BACH2: variants seen among roughly 807,000 people sequenced by gnomAD.
BACH2 encodes transcription regulator protein BACH2.
A neutral mutation model predicts 61.8 loss-of-function variants in BACH2; 5 were observed. The ratio of observed to expected loss-of-function variants is 0.08; its 90% CI spans 0.04 to 0.17. BACH2 has a LOEUF of 0.17. BACH2 is among the 10% of genes least tolerant of loss of function. The pLI is 1.00. For synonymous variants in BACH2, 446 were observed against 440.1 expected (o/e 1.01, Z -0.17); for missense variants, 824 against 1,091.1 (o/e 0.76, Z 3.45).
intron 3 of BACH2, among the ~76,000 whole-genome samples, chr6:90,235,574 C>G (rs1024386142): frequency 1.3e-5 from 2 of 152,202 alleles, no homozygotes; most frequent in Non-Finnish European, 2.9e-5. Flanking sequence ...TAGTTCCCAG[C>G]TACCTGGGAG....
chr6:89,993,208 C>T (rs932549960), intron 6 of BACH2, among the ~76,000 whole-genome samples: 11 of 152,128 alleles, frequency 7.2e-5, no homozygotes, highest in Non-Finnish European at 7.4e-5. Context: ...CTATGGCAGC[C>T]TGAGTGAACT....
Position 90,162,826 on chromosome 6 carries a change from C to T in BACH2, c.-162+43743G>A, listed in dbSNP as rs76471247. Among the ~76,000 whole-genome samples, 7 of 152,286 alleles carry T rather than the reference C, an allele frequency of 4.6e-5. No homozygotes were observed. In the East Asian group the frequency reaches 1.3e-3, roughly 29 times the overall value. ...TGCCCATTCTTTTATCTTGAAGGAA[C>T]ACTGCTCTGGGCATGACAGATGAGG... On this transcript the variant is annotated intron_variant, in intron 4 of 8. Transcript: ENST00000257749.
chr6:90,291,392 T>C (rs985912876), intron 1 of BACH2, among the ~76,000 whole-genome samples: 1 of 152,122 alleles, frequency 6.6e-6, no homozygotes, highest in African/African-American at 2.4e-5. Flanking sequence ...AAATGGCCCT[T>C]GGAAAAGACA....
chr6:90,231,588 T>C (rs779676576), intron 3 of BACH2, among the ~76,000 whole-genome samples: 2 of 152,240 alleles, frequency 1.3e-5, no homozygotes, highest in Non-Finnish European at 2.9e-5. Context: ...TGTTAGATAT[T>C]TCATGTCATC....
At chr6:90,218,458 G>A (rs1769616612) in intron 3 of BACH2, among the ~76,000 whole-genome samples, 1 of 150,708 alleles carries the variant, frequency 6.6e-6, no homozygotes, top group African/African-American at 2.4e-5. Flanking sequence ...ACATTCCCCT[G>A]GCTTCCCCTC....
At chr6:90,285,310 C>G (rs1323433601) in intron 1 of BACH2, among the ~76,000 whole-genome samples, 2 of 152,150 alleles carry the variant, frequency 1.3e-5, no homozygotes, top group African/African-American at 4.8e-5. Context: ...CCACATAAAA[C>G]AATGTCAGGC....
chr6:89,967,715 C>T (rs1238138817), intron 6 of BACH2, among the ~76,000 whole-genome samples: 1 of 152,130 alleles, frequency 6.6e-6, no homozygotes, highest in Non-Finnish European at 1.5e-5. Flanking sequence ...GTAGAGGCAC[C>T]ATTGTGGTAA....
At chr6:90,204,127 C>A (rs556743878) in intron 4 of BACH2, among the ~76,000 whole-genome samples, 1 of 152,158 alleles carries the variant, frequency 6.6e-6, no homozygotes, top group African/African-American at 2.4e-5. Flanking sequence ...GACCCTAGAA[C>A]GCCAGGGCCA....
chr6:90,208,797 C>A (rs1025905420), intron 3 of BACH2, among the ~76,000 whole-genome samples: 2 of 152,110 alleles, frequency 1.3e-5, no homozygotes, highest in South Asian at 4.1e-4. Context: ...AGTCTTAGAA[C>A]CAACCCAAAT....
At chr6:90,188,993 T>A (rs1227820103) in intron 4 of BACH2, among the ~76,000 whole-genome samples, 1 of 152,182 alleles carries the variant, frequency 6.6e-6, no homozygotes, top group Non-Finnish European at 1.5e-5. Context: ...ACTCTCTTTT[T>A]ACAAAGTTTC....
chr6:90,215,124 G>A (rs183737784), intron 3 of BACH2, among the ~76,000 whole-genome samples: 1 of 152,182 alleles, frequency 6.6e-6, no homozygotes, highest in East Asian at 1.9e-4. Flanking sequence ...CATGTCCCAG[G>A]TTGTTAAGCC....
chr6:90,236,710 G>C (rs898597146), intron 3 of BACH2, among the ~76,000 whole-genome samples: 3 of 152,142 alleles, frequency 2.0e-5, no homozygotes, highest in African/African-American at 7.2e-5. Context: ...GAGCAAAAAA[G>C]AGAGTCTCTG....
chr6:90,040,054 TG>T (rs978727004), intron 5 of BACH2, among the ~76,000 whole-genome samples: 9 of 149,686 alleles, frequency 6.0e-5, no homozygotes, highest in African/African-American at 2.0e-4. Context: ...TGGTTTATGG[TG>T]GTATTTGCTG....
chr6:90,271,412 A>G (rs896776203), intron 2 of BACH2, among the ~76,000 whole-genome samples: 4 of 151,278 alleles, frequency 2.6e-5, no homozygotes, highest in Non-Finnish European at 4.4e-5. Flanking sequence ...GAAAAGAAAA[A>G]AAAAGAAAAG....
At chr6:90,121,331 C>T (rs1419219249) in intron 4 of BACH2, among the ~76,000 whole-genome samples, 3 of 152,152 alleles carry the variant, frequency 2.0e-5, no homozygotes, top group African/African-American at 7.2e-5. Context: ...GTCAGGTTAG[C>T]TAAGAGGGCT....
At chr6:89,944,655 C>T (rs977328098) in intron 7 of BACH2, among the ~76,000 whole-genome samples, 1 of 151,994 alleles carries the variant, frequency 6.6e-6, no homozygotes, top group Non-Finnish European at 1.5e-5. Flanking sequence ...TCCATGTTTT[C>T]TCTGGACTTT....
intron 8 of BACH2, among the ~76,000 whole-genome samples, chr6:89,935,597 A>G (rs1417755116): frequency 6.6e-6 from 1 of 152,220 alleles, no homozygotes; most frequent in Non-Finnish European, 1.5e-5. Context: ...ACTGAAACAC[A>G]ACGTGTTATT....
intron 4 of BACH2, among the ~76,000 whole-genome samples, chr6:90,130,124 C>G (rs7450645): frequency 0.12 from 18,047 of 152,074 alleles, 2,110 homozygotes; most frequent in African/African-American, 0.3. Context: ...GCCTGCTTTG[C>G]CCTCTCCAAG....
rs1584512916 is a variant in BACH2, at chr6:89,946,674, T to C, written c.1836+3596A>G. ...GCCACGTGCATGGTAGACAGCTACG[T>C]GAAAAAAGGAAGCTGCTAACTCTAC... On this transcript the variant is annotated intron_variant, in intron 7 of 8. Transcript: ENST00000257749. Among the ~76,000 whole-genome samples the C allele has an allele frequency of 2.0e-5, 3 of 151,980 alleles. No individual in the cohort carries two copies. The East Asian group carries it at 5.8e-4, about 29-fold the overall frequency.
Sources: allele counts gnomAD v4.1 joint callset (sites outside exome capture counted in the v4.1 genomes callset), GRCh38; gene constraint gnomAD v4.1.1; transcripts MANE v1.5; gene names NCBI Gene and HGNC (gene_info 2026-07-23, HGNC 2026-07-21).